The following RANBP2 variants were observed in gnomAD, a reference collection of about 807,000 sequenced individuals.
RANBP2 encodes the protein RAN binding protein 2, also known as E3 SUMO-protein ligase RanBP2.
RANBP2 carries 57 observed loss-of-function variants against 303.6 expected under a neutral mutation model. The ratio of observed to expected loss-of-function variants is 0.19; its 90% confidence interval spans 0.15 to 0.23. RANBP2 has a LOEUF of 0.23. RANBP2 is among the 10% of genes least tolerant of loss of function. The pLI is 1.00. For missense variants in RANBP2, 3,138 were observed against 3,780.8 expected, an observed-to-expected ratio of 0.83 and a Z score of 4.46; for synonymous variants, 1,167 against 1,301.5, an observed-to-expected ratio of 0.90 and a Z score of 2.23.
chr2:109,706,153 T>C, the RANBP2 span, among the ~76,000 whole-genome samples: 1 of 152,204 alleles, frequency 6.6e-6, no homozygotes, highest in Non-Finnish European at 1.5e-5. Flanking sequence ...TTCCTGTCTG[T>C]TCTTCTGCCC....
At chr2:109,462,796 A>G in the RANBP2 span, among the ~76,000 whole-genome samples, 2 of 152,114 alleles carry the variant, frequency 1.3e-5, no homozygotes, top group African/African-American at 4.8e-5. Context: ...CCATACTTGA[A>G]CTGTTGTGAG....
chr2:109,572,929 T>C, the RANBP2 span, among the ~76,000 whole-genome samples: 1 of 152,214 alleles, frequency 6.6e-6, no homozygotes, highest in African/African-American at 2.4e-5. Context: ...AACCTTCTTA[T>C]GTAAAATAAG....
At chr2:109,438,942 A>C in the RANBP2 span, among the ~76,000 whole-genome samples, 4 of 152,134 alleles carry the variant, frequency 2.6e-5, no homozygotes, top group Admixed American at 6.5e-5. Flanking sequence ...TTCCACATGC[A>C]CCAGCACTAG....
intron 17 of RANBP2, among the ~76,000 whole-genome samples, chr2:108,755,859 G>A (rs1676273186): frequency 6.8e-6 from 1 of 146,100 alleles, no homozygotes; most frequent in Non-Finnish European, 1.5e-5. Context: ...GAGTAGCTGG[G>A]ATTACAGGCA....
chr2:109,119,542 A>C, the RANBP2 span, among the ~76,000 whole-genome samples: 1 of 152,288 alleles, frequency 6.6e-6, no homozygotes, highest in East Asian at 1.9e-4. Context: ...TTCAATTTTC[A>C]TTCATTCGCT....
chr2:109,034,043 C>T, the RANBP2 span, among the ~76,000 whole-genome samples: 6 of 149,860 alleles, frequency 4.0e-5, no homozygotes, highest in Non-Finnish European at 7.4e-5. Flanking sequence ...GGGTGGATCA[C>T]GAGGATCACA....
At chr2:109,190,310 A>ATT in the RANBP2 span, among the ~76,000 whole-genome samples, 1 of 152,106 alleles carries the variant, frequency 6.6e-6, no homozygotes, top group Non-Finnish European at 1.5e-5. Context: ...AGTAGCTGGG[A>ATT]TTACAGGCAT....
chr2:109,325,470 A>AGATG, the RANBP2 span, among the ~76,000 whole-genome samples: 1 of 150,846 alleles, frequency 6.6e-6, no homozygotes, highest in African/African-American at 2.4e-5. Flanking sequence ...CCTCCTGAGT[A>AGATG]GATGGGACTA....
chr2:109,642,368 G>A, the RANBP2 span, among the ~76,000 whole-genome samples: 5 of 152,206 alleles, frequency 3.3e-5, no homozygotes, highest in Non-Finnish European at 7.3e-5. Context: ...GGACTGTAGT[G>A]CTATGTGTGC....
At chr2:109,096,440 TG>T in the RANBP2 span, among the ~76,000 whole-genome samples, 1 of 152,250 alleles carries the variant, frequency 6.6e-6, no homozygotes, top group African/African-American at 2.4e-5. Context: ...ATTGTGTCTT[TG>T]ACTGTGGCTG....
chr2:109,555,238 A>G, the RANBP2 span, among the ~76,000 whole-genome samples: 56 of 152,308 alleles, frequency 3.7e-4, 2 homozygotes, highest in East Asian at 8.7e-3. Context: ...GAAACTTTAT[A>G]ATCTCTGGCC....
the RANBP2 span, among the ~76,000 whole-genome samples, chr2:109,229,034 CCAT>C: frequency 6.6e-6 from 1 of 152,128 alleles, no homozygotes; most frequent in Admixed American, 6.5e-5. Flanking sequence ...AAAAAGGTTT[CCAT>C]CACCCAGCAA....
At chr2:109,071,046 A>G in the RANBP2 span, among the ~76,000 whole-genome samples, 1 of 152,246 alleles carries the variant, frequency 6.6e-6, no homozygotes, top group East Asian at 1.9e-4. Flanking sequence ...TTAGGTATTT[A>G]TTTATAGCTA....
At chr2:109,696,402 C>A in the RANBP2 span, among the ~76,000 whole-genome samples, 1 of 152,192 alleles carries the variant, frequency 6.6e-6, no homozygotes, top group Non-Finnish European at 1.5e-5. Context: ...ATTATTTCAT[C>A]ACCATTTGTT....
the RANBP2 span, among the ~76,000 whole-genome samples, chr2:108,850,628 T>C: frequency 6.6e-6 from 1 of 151,996 alleles, no homozygotes; most frequent in African/African-American, 2.4e-5. Flanking sequence ...ATTTTTTCTA[T>C]CTTTAGTAGA....
At chr2:109,276,000 T>A in the RANBP2 span, among the ~76,000 whole-genome samples, 1 of 152,192 alleles carries the variant, frequency 6.6e-6, no homozygotes, top group Non-Finnish European at 1.5e-5. Flanking sequence ...TGCCCCCATT[T>A]GGTCTCCAAT....
Position 108,785,218 on chromosome 2 carries a change from G to A in RANBP2, c.*1317G>A, listed in dbSNP as rs1678534016. ...CAACCACCAGTCAAAAGAGGGGAGGGATGTTGTGCGAGTAATGAGTGATGG... is the reference window on the plus strand; with the variant it reads ...CAACCACCAGTCAAAAGAGGGGAGGAATGTTGTGCGAGTAATGAGTGATGG... On this transcript the variant is annotated 3_prime_UTR_variant, in exon 29 of 29. Coordinates refer to ENST00000283195, the MANE Select transcript of RANBP2 (RefSeq NM_006267.5). The A allele has an allele frequency of 6.6e-6, 1 of 152,136 alleles. No homozygotes were observed. The highest frequency in any genetic ancestry group is 2.4e-5 in the African/African-American group (1 of 41,430). The allele number at this position is 152,136 out of a possible 1,614,324, so 9.4% of individuals were successfully genotyped here.
At chr2:108,799,884 T>A in the RANBP2 span, among the ~76,000 whole-genome samples, 4 of 152,178 alleles carry the variant, frequency 2.6e-5, no homozygotes, top group African/African-American at 7.2e-5. Flanking sequence ...TTAATCTCCA[T>A]GTTGCTATTG....
chr2:108,737,770 G>A lies in RANBP2; in HGVS notation c.782+1521G>A, dbSNP rs78572613. On this transcript the variant is annotated intron_variant, in intron 6 of 28. Transcript: ENST00000283195. ...GCTCTGTCACCCAGGCTGGAGTACT[G>A]TGGGGCAATCTCGGCTCACTGCAAG... 2.8e-5 allele frequency among the ~76,000 whole-genome samples: 4 copies of A among 143,164 alleles called. No individual in the cohort carries two copies. The East Asian group carries it at 6.2e-4, about 22-fold the overall frequency. 93.9% of individuals were successfully genotyped at this position (143,164 alleles called of 152,430 possible). A position where few individuals can be genotyped will look rare whatever the true frequency, so the allele number is the denominator to read the frequency against.
Sources: allele counts gnomAD v4.1 joint callset (sites outside exome capture counted in the v4.1 genomes callset), GRCh38; gene constraint gnomAD v4.1.1; transcripts MANE v1.5; gene names NCBI Gene and HGNC (gene_info 2026-07-23, HGNC 2026-07-21).